TSHZ3: variants seen among roughly 807,000 people sequenced by gnomAD.
TSHZ3 encodes teashirt homolog 3.
In TSHZ3, 10 loss-of-function variants were observed where a neutral mutation model predicts 64.5. That is an observed-to-expected ratio of 0.16 (90% confidence interval 0.10 to 0.26). The LOEUF (loss-of-function observed/expected upper bound fraction) is 0.26. Ranked by LOEUF, TSHZ3 falls within the 10% of genes least tolerant of loss-of-function variation. TSHZ3 has a pLI of 1.00. For synonymous variants in TSHZ3, 608 were observed against 593.1 expected, an observed-to-expected ratio of 1.03 and a Z score of -0.36; for missense variants, 1,242 against 1,421.7, an observed-to-expected ratio of 0.87 and a Z score of 2.03.
chr19:31,320,780 C>T (rs1303075833), intron 1 of TSHZ3, among the ~76,000 whole-genome samples: 1 of 152,208 alleles, frequency 6.6e-6, no homozygotes, highest in Non-Finnish European at 1.5e-5. Context: ...GGCTCTTGGT[C>T]CCTTCCACTA....
chr19:31,195,062 G>T (rs745820916), intron 5 of TSHZ3, among the ~76,000 whole-genome samples: 1 of 151,968 alleles, frequency 6.6e-6, no homozygotes, highest in African/African-American at 2.4e-5. Flanking sequence ...AGAAAAAAAT[G>T]GGGGGGAAGC....
At chr19:31,153,478 G>A (rs1295015249) in intron 6 of TSHZ3, among the ~76,000 whole-genome samples, 1 of 152,224 alleles carries the variant, frequency 6.6e-6, no homozygotes, top group Non-Finnish European at 1.5e-5. Flanking sequence ...ATGATCATCA[G>A]ATGGTGATGT....
intron 1 of TSHZ3, among the ~76,000 whole-genome samples, chr19:31,327,613 T>C (rs976602942): frequency 3.9e-5 from 6 of 152,234 alleles, no homozygotes; most frequent in Non-Finnish European, 8.8e-5. Flanking sequence ...ACCATACATA[T>C]ACATACATAT....
intron 5 of TSHZ3, among the ~76,000 whole-genome samples, chr19:31,195,979 A>AT (rs1405470050): frequency 6.6e-6 from 1 of 151,970 alleles, no homozygotes; most frequent in Non-Finnish European, 1.5e-5. Context: ...CACCTAGGCT[A>AT]TTTATTATAG....
chr19:31,278,016 A>G lies in TSHZ3; in HGVS notation c.1777T>C (p.Ser593Pro). The G allele has an allele frequency of 5.0e-6, 8 of 1,613,800 alleles. No individual in the cohort carries two copies. The highest frequency in any genetic ancestry group is 6.8e-6 in the Non-Finnish European group (8 of 1,179,764). ...VSPTKNQTLV[S>P]PPSSQTSPMP... Reference sequence around the variant, plus strand: ...GGGGACGTCTGGCTGCTGGGTGGAGAGACCAGGGTCTGGTTTTTCGTCGGG... The same window carrying G: ...GGGGACGTCTGGCTGCTGGGTGGAGGGACCAGGGTCTGGTTTTTCGTCGGG... Residue 593 changes from serine (S) to proline (P), a missense_variant, in exon 2 of 2, where the codon TCT becomes CCT. Ser to Pro is a moderately conservative substitution (Grantham distance 74). Transcript: ENST00000240587. This position sits in a 1 kb window ranked among gnomAD's most constrained non-coding sequence, Gnocchi z 4.7.
chr19:31,187,834 ACAGGC>A (rs1974836643), intron 5 of TSHZ3, among the ~76,000 whole-genome samples: 1 of 152,118 alleles, frequency 6.6e-6, no homozygotes, highest in Admixed American at 6.6e-5. Flanking sequence ...CTTTAGTTTC[ACAGGC>A]AGTCTTAAAA....
Position 31,327,800 on chromosome 19 carries a change from A to C in TSHZ3, c.40+21380T>G, listed in dbSNP as rs552199290. Among the ~76,000 whole-genome samples the C allele has an allele frequency of 1.5e-3, 221 of 152,360 alleles. 1 individual carries two copies. The highest frequency in any genetic ancestry group is 6.8e-3 in the Middle Eastern group (2 of 294). ...GCACAGCCCCTAAACCTCAAAATCC[A>C]ATACACAAAATGAAACGAATTGCAC... is the stretch of plus-strand genomic sequence containing the variant. On this transcript the variant is annotated intron_variant, in intron 1 of 1. Transcript: ENST00000240587.
chr19:31,226,828 T>G (rs945659033), intron 4 of TSHZ3, among the ~76,000 whole-genome samples: 2 of 152,122 alleles, frequency 1.3e-5, no homozygotes, highest in Non-Finnish European at 2.9e-5. Context: ...AGACAATAAA[T>G]TTTAAGGTCA....
chr19:31,217,655 T>A (rs972863517), intron 4 of TSHZ3, among the ~76,000 whole-genome samples: 5 of 152,120 alleles, frequency 3.3e-5, no homozygotes, highest in African/African-American at 4.8e-5. Flanking sequence ...CACATCACCA[T>A]CACCCAGAAT....
At chr19:31,217,688 C>A (rs763106374) in intron 4 of TSHZ3, among the ~76,000 whole-genome samples, 2 of 152,136 alleles carry the variant, frequency 1.3e-5, no homozygotes, top group Non-Finnish European at 2.9e-5. Context: ...TAAGGGTTCG[C>A]TCTTGGTGTT....
downstream of TSHZ3, among the ~76,000 whole-genome samples, chr19:31,272,962 C>G (rs1976164760): frequency 1.3e-5 from 2 of 152,156 alleles, no homozygotes; most frequent in African/African-American, 4.8e-5. Context: ...TCCATTCACT[C>G]TCTCGCAACA....
chr19:31,260,191 A>T (rs1422760185), intron 1 of TSHZ3, among the ~76,000 whole-genome samples: 1 of 151,800 alleles, frequency 6.6e-6, no homozygotes, highest in Non-Finnish European at 1.5e-5. Flanking sequence ...TAATTCTGAG[A>T]CCCAGCCAGC....
intron 1 of TSHZ3, among the ~76,000 whole-genome samples, chr19:31,245,288 C>T (rs926639342): frequency 2.0e-5 from 3 of 152,040 alleles, no homozygotes; most frequent in Non-Finnish European, 4.4e-5. Context: ...AAAAACTTGT[C>T]TCACCCTTCT....
intron 1 of TSHZ3, among the ~76,000 whole-genome samples, chr19:31,304,511 AC>A (rs141926037): frequency 0.42 from 63,814 of 152,032 alleles, 13,596 homozygotes; most frequent in South Asian, 0.53. Flanking sequence ...AACAACAACA[AC>A]AAAAAATTAA....
downstream of TSHZ3, among the ~76,000 whole-genome samples, chr19:31,273,847 A>G (rs1396178904): frequency 6.6e-6 from 1 of 152,170 alleles, no homozygotes; most frequent in Non-Finnish European, 1.5e-5. Flanking sequence ...GCCCTGCACC[A>G]GGAGGGGAAC....
At chr19:31,313,748 T>C (rs1916524375) in intron 1 of TSHZ3, among the ~76,000 whole-genome samples, 1 of 152,220 alleles carries the variant, frequency 6.6e-6, no homozygotes, top group Non-Finnish European at 1.5e-5. Context: ...ATCCTGGGAC[T>C]TGAAGGATCC....
intron 1 of TSHZ3, among the ~76,000 whole-genome samples, chr19:31,244,427 C>A (rs1442463307): frequency 6.6e-6 from 1 of 152,070 alleles, no homozygotes; most frequent in East Asian, 1.9e-4. Context: ...GAACTGTGAC[C>A]AATTAAACCT....
intron 1 of TSHZ3, among the ~76,000 whole-genome samples, chr19:31,326,787 C>A (rs1489396096): frequency 1.3e-5 from 2 of 152,244 alleles, no homozygotes; most frequent in Admixed American, 1.3e-4. Context: ...GGTAGCTCTG[C>A]ACTGCGAGTG....
chr19:31,180,127 C>G (rs1229080626), intron 5 of TSHZ3, among the ~76,000 whole-genome samples: 2 of 152,128 alleles, frequency 1.3e-5, no homozygotes, highest in Admixed American at 6.5e-5. Context: ...GTGAGCTCCT[C>G]TAGGTAAGTT....
Sources: gnomAD v4.1 joint callset for allele counts (sites outside exome capture counted in the v4.1 genomes callset) on GRCh38, gnomAD v4.1.1 for gene constraint, Gnocchi (gnomAD v3.1) non-coding constraint, MANE v1.5 for transcripts, NCBI Gene and HGNC (gene_info 2026-07-23, HGNC 2026-07-21) for gene names.